Variants in ESRRB observed in about 807,000 individuals in gnomAD.
ESRRB encodes estrogen related receptor beta.
Under a neutral mutation model 46.0 loss-of-function variants are expected in ESRRB, and 16 were observed. That is an observed-to-expected ratio of 0.35 (90% CI 0.24 to 0.53). The LOEUF (loss-of-function observed/expected upper bound fraction) is 0.53. ESRRB is among the 20% of genes least tolerant of loss of function. ESRRB has a pLI of 0.93. For synonymous variants in ESRRB, 246 were observed against 259.6 expected (o/e 0.95, Z 0.50); for missense variants, 488 against 607.4 (o/e 0.80, Z 2.07).
chr14:76,466,729 C>G (rs4997977), intron 3 of ESRRB, among the ~76,000 whole-genome samples: 9,370 of 145,062 alleles, frequency 0.065, 297 homozygotes, highest in African/African-American at 0.079. Flanking sequence ...TTTTTTTTTT[C>G]TTTTGAGAAA....
At chr14:76,316,693 C>T (rs944304070) in intron 1 of ESRRB, among the ~76,000 whole-genome samples, 23 of 152,024 alleles carry the variant, frequency 1.5e-4, no homozygotes, top group African/African-American at 4.8e-4. Flanking sequence ...TGGTCCTTGC[C>T]CCTATCCTTC....
At chr14:76,325,472 G>A (rs1883919287) in intron 1 of ESRRB, among the ~76,000 whole-genome samples, 1 of 152,156 alleles carries the variant, frequency 6.6e-6, no homozygotes, top group Non-Finnish European at 1.5e-5. Context: ...CAAGCACACG[G>A]AGAAGGGAAA....
intron 1 of ESRRB, among the ~76,000 whole-genome samples, chr14:76,318,220 C>T (rs191145671): frequency 1.3e-5 from 2 of 152,206 alleles, no homozygotes; most frequent in Non-Finnish European, 2.9e-5. Context: ...CACCTGGGCT[C>T]CAGGTTTGCT....
chr14:76,396,481 C>T (rs1030661428), intron 1 of ESRRB, among the ~76,000 whole-genome samples: 5 of 152,162 alleles, frequency 3.3e-5, no homozygotes, highest in Non-Finnish European at 7.3e-5. Flanking sequence ...ATTGTATGTA[C>T]ATATTCTATA....
chr14:76,462,078 C>A (rs148091445), intron 2 of ESRRB, among the ~76,000 whole-genome samples: 1,529 of 152,300 alleles, frequency 0.01, 15 homozygotes, highest in Non-Finnish European at 0.014. Context: ...GATGCAGAAC[C>A]CGGGCCTTGA....
chr14:76,403,314 T>TA (rs1257012845), intron 1 of ESRRB, among the ~76,000 whole-genome samples: 2 of 152,214 alleles, frequency 1.3e-5, no homozygotes, highest in Non-Finnish European at 2.9e-5. Flanking sequence ...ACAATGCCCT[T>TA]AACCACTCTA....
intron 1 of ESRRB, among the ~76,000 whole-genome samples, chr14:76,390,785 C>T (rs1885437007): frequency 6.6e-6 from 1 of 152,162 alleles, no homozygotes; most frequent in Non-Finnish European, 1.5e-5. Flanking sequence ...GGGAAAGGCG[C>T]TGATGGAGAG....
intron 1 of ESRRB, among the ~76,000 whole-genome samples, chr14:76,319,393 T>C (rs1883841357): frequency 1.3e-5 from 2 of 152,224 alleles, no homozygotes; most frequent in South Asian, 4.1e-4. Context: ...CATCAGGTTC[T>C]TGGGGAAAAT....
At chr14:76,333,079 A>T (rs1431473153) in intron 1 of ESRRB, among the ~76,000 whole-genome samples, 1 of 7,292 alleles carries the variant, frequency 1.4e-4, no homozygotes, top group African/African-American at 4.5e-4. Context: ...TATTATATAT[A>T]TTATTTATAT....
At chr14:76,453,608 T>A (rs1273429236) in intron 2 of ESRRB, among the ~76,000 whole-genome samples, 2 of 151,190 alleles carry the variant, frequency 1.3e-5, no homozygotes, top group Admixed American at 1.3e-4. Flanking sequence ...TTTTTTTTTT[T>A]TTTTTTTGAG....
At chr14:76,388,215 G>C (rs1885321005) in intron 1 of ESRRB, among the ~76,000 whole-genome samples, 1 of 128,782 alleles carries the variant, frequency 7.8e-6, no homozygotes. Flanking sequence ...GTCTCACTCT[G>C]TGGCCCAGGC....
intron 1 of ESRRB, among the ~76,000 whole-genome samples, chr14:76,323,359 G>C (rs1049799813): frequency 6.6e-6 from 1 of 150,848 alleles, no homozygotes; most frequent in African/African-American, 2.4e-5. Context: ...GCCCAGGCTG[G>C]AGTGGAGTGG....
chr14:76,356,418 G>T (rs184491781), intron 1 of ESRRB, among the ~76,000 whole-genome samples: 2 of 152,204 alleles, frequency 1.3e-5, no homozygotes, highest in African/African-American at 4.8e-5. Context: ...AGGAGACTGC[G>T]ACAGAGACTT....
chr14:76,425,911 C>G (rs945829650), intron 1 of ESRRB, among the ~76,000 whole-genome samples: 7 of 152,116 alleles, frequency 4.6e-5, no homozygotes, highest in Admixed American at 6.5e-5. Context: ...CTCAGCCTCC[C>G]AAAGTGCTGG....
At chr14:76,472,875 A>G (rs1313746271) in intron 3 of ESRRB, among the ~76,000 whole-genome samples, 2 of 152,234 alleles carry the variant, frequency 1.3e-5, no homozygotes, top group Non-Finnish European at 2.9e-5. Flanking sequence ...AAGTATTGAA[A>G]AAACGGGTTT....
At chr14:76,439,805 C>T in intron 2 of ESRRB, 55 bp downstream of exon 2, 1 of 1,585,182 alleles carries the variant, frequency 6.3e-7, no homozygotes, top group South Asian at 1.1e-5. Flanking sequence ...GCAGCCGTGC[C>T]TGCGGGTCTG....
At chr14:76,451,362 A>G (rs1306295654) in intron 2 of ESRRB, among the ~76,000 whole-genome samples, 1 of 152,206 alleles carries the variant, frequency 6.6e-6, no homozygotes, top group Non-Finnish European at 1.5e-5. Flanking sequence ...TAAAATGTTA[A>G]TAGTTCCTGC....
At position 76,482,804 on chromosome 14, in the gene ESRRB, C is replaced by A. The variant is rs1595163171; in HGVS notation, c.850+45C>A. ...GGAGAGTGTGGCCAGGGACTCTCAG[C>A]CGGTATCTCCGCAGCCTACCCAATG... On this transcript the variant is annotated intron_variant, in intron 5 of 6. Transcript: ENST00000644823. This position sits in a 1 kb window ranked among gnomAD's most constrained non-coding sequence, Gnocchi z 4.3. 6.2e-7 allele frequency: 1 copy of A among 1,608,646 alleles called. No homozygotes were observed. The highest frequency in any genetic ancestry group is 8.5e-7 in the Non-Finnish European group (1 of 1,177,246).
chr14:76,410,394 T>A (rs1483639154), intron 1 of ESRRB, among the ~76,000 whole-genome samples: 1 of 152,206 alleles, frequency 6.6e-6, no homozygotes, highest in African/African-American at 2.4e-5. Context: ...TAGGGTATTT[T>A]TCCTCCCCTA....
Sources: gnomAD v4.1 joint callset for allele counts (sites outside exome capture counted in the v4.1 genomes callset) on GRCh38, gnomAD v4.1.1 for gene constraint, Gnocchi (gnomAD v3.1) non-coding constraint, MANE v1.5 for transcripts, NCBI Gene and HGNC (gene_info 2026-07-23, HGNC 2026-07-21) for gene names.